ASB6: variants seen among roughly 807,000 people sequenced by gnomAD.
The protein encoded by ASB6 is ankyrin repeat and SOCS box containing 6.
In ASB6, 24 loss-of-function variants were observed where a neutral mutation model predicts 28.6. The ratio of observed to expected loss-of-function variants is 0.84; its 90% CI spans 0.61 to 1.18. ASB6 has a LOEUF of 1.18. ASB6 is among the 50% of genes most tolerant of loss of function. The probability of loss-of-function intolerance (pLI) is 0.00; values close to 1 mark genes in which losing one functional copy is unlikely to be tolerated. For missense variants in ASB6, 519 were observed against 559.8 expected (o/e 0.93, Z 0.74); for synonymous variants, 267 against 243.4 (o/e 1.10, Z -0.90).
chr9:129,640,736 G>C lies in ASB6; in HGVS notation c.114-14C>G. ...ACATAACTGGGCCTGGGACAGGAGA[G>C]AGGCTGAGGGTAGGCACAGCTGTGG... On this transcript the variant is annotated splice_polypyrimidine_tract_variant and intron_variant, in intron 1 of 5. Transcript: ENST00000277458. 1 of 1,613,734 alleles carries C rather than the reference G, an allele frequency of 6.2e-7. No individual in the cohort carries two copies. The highest frequency in any genetic ancestry group is 1.3e-5 in the African/African-American group (1 of 75,062).
rs1327194747 is a variant in ASB6 at position 129,635,777 on chromosome 9, C to T, written c.*2013G>A. The T allele has an allele frequency of 3.7e-6, 1 of 270,740 alleles. No homozygotes were observed. Among genetic ancestry groups the T allele is most frequent in the Non-Finnish European group, 7.0e-6 (1 of 142,018 alleles). 16.8% of individuals were successfully genotyped at this position (270,740 alleles called of 1,614,324 possible). A position where few individuals can be genotyped will look rare whatever the true frequency, so the allele number is the denominator to read the frequency against. On this transcript the variant is annotated 3_prime_UTR_variant, in exon 6 of 6. Coordinates refer to ENST00000277458, the MANE Select transcript of ASB6 (RefSeq NM_017873.4). Reference sequence around the variant, plus strand: ...AGGGTGGCCACATCAGTAACCGATTCCCTGGGCCTCCAGCCCGGCCTTCCA... The same window carrying T: ...AGGGTGGCCACATCAGTAACCGATTTCCTGGGCCTCCAGCCCGGCCTTCCA...
In ASB6 at chr9:129,639,436, A is replaced by G. The variant is rs61758721; in HGVS notation, c.368T>C (p.Val123Ala). The G allele has an allele frequency of 5.8e-5, 94 of 1,613,542 alleles. No individual in the cohort carries two copies. The highest frequency in any genetic ancestry group is 7.5e-5 in the Non-Finnish European group (88 of 1,179,746). The change falls in exon 3 of 6, where the codon GTG (valine) becomes GCG (alanine). Residue 123 changes from valine (V) to alanine (A), a missense_variant. Physicochemically the swap from Val to Ala is moderately conservative, Grantham distance 64 (BLOSUM62 0). Transcript: ENST00000277458. ...CCGATTAACGTCGGCCCCGTGATGC[A>G]CCAGCAGCTCCACCATGTCCGGCTG... ...RNQPDMVELL[V>A]HHGADVNRRD...
At chr9:129,640,308 A>G (rs774443322) in intron 2 of ASB6, among the ~76,000 whole-genome samples, 4 of 152,252 alleles carry the variant, frequency 2.6e-5, no homozygotes, top group African/African-American at 7.2e-5. Context: ...AATCAATCAC[A>G]TGGTAGAAGC....
rs2119011931 is a variant in ASB6 at position 129,639,201 on chromosome 9, C to A, written c.511+1G>T. On this transcript the variant is annotated splice_donor_variant, in intron 4 of 5. Coordinates refer to ENST00000277458, the MANE Select transcript of ASB6 (RefSeq NM_017873.4). LOFTEE classifies it high-confidence loss of function. ...CCTGCTTTCCTGCAGGAGGCACCCA[C>A]CATGCTTGTCAGCGGCATTGACATC... 1.2e-6 allele frequency: 2 copies of A among 1,603,066 alleles called. No individual in the cohort carries two copies. The highest frequency in any genetic ancestry group is 8.5e-7 in the Non-Finnish European group (1 of 1,174,178).
Position 129,637,973 on chromosome 9 carries a change from G to A in ASB6, c.1083C>T (p.Leu361=), listed in dbSNP as rs1278760293. 2 of 1,604,902 alleles carry A rather than the reference G, an allele frequency of 1.2e-6. No homozygotes were observed. The highest frequency in any genetic ancestry group is 2.2e-5 in the South Asian group (2 of 89,644). ...VGSLAEKIQA[L]HFSLRQLESY... ...TCTCCAGCTGCCTCAAGGAGAAGTG[G>A]AGGGCCTGGATCTTTTCCGCCAGGC... Residue 361 remains leucine (L), a synonymous_variant, in exon 6 of 6, where the codon CTC becomes CTT. Coordinates refer to ENST00000277458, the MANE Select transcript of ASB6 (RefSeq NM_017873.4).
In ASB6 at chr9:129,639,523, A is replaced by G; in HGVS notation, c.296-15T>C. Reference sequence around the variant, plus strand: ...GGTGACTGGGTCTGAAGGTGCAGACACAGCTCATGTGGGTCCTATCTGTCC... The same window carrying G: ...GGTGACTGGGTCTGAAGGTGCAGACGCAGCTCATGTGGGTCCTATCTGTCC... On this transcript the variant is annotated splice_polypyrimidine_tract_variant and intron_variant, in intron 2 of 5. Coordinates refer to ENST00000277458, the MANE Select transcript of ASB6 (RefSeq NM_017873.4). 1.2e-6 allele frequency: 2 copies of G among 1,605,610 alleles called. No individual in the cohort carries two copies. The highest frequency in any genetic ancestry group is 1.1e-5 in the South Asian group (1 of 90,628).
In ASB6 at chr9:129,642,039, C is replaced by A; in HGVS notation, c.-40G>T. ...CGCAGCAGGGCCGTCGCGCTTTCTG[C>A]CGAGGCCGAGATGCCCAGACGCCGA... On this transcript the variant is annotated 5_prime_UTR_variant, in exon 1 of 6. Coordinates refer to ENST00000277458, the MANE Select transcript of ASB6 (RefSeq NM_017873.4). This position sits in a 1 kb window ranked among gnomAD's most constrained non-coding sequence, Gnocchi z 4.3. 6.5e-7 allele frequency: 1 copy of A among 1,549,270 alleles called. No homozygotes were observed. The highest frequency in any genetic ancestry group is 8.7e-7 in the Non-Finnish European group (1 of 1,146,740).
Position 129,639,310 on chromosome 9 carries a change from T to G in ASB6, c.403A>C (p.Ile135Leu). The stretch of plus-strand genomic sequence containing the variant: ...AGGTCCAAGGGGCTACTCTCGTGGA[T>G]CTGAGCCAAGGAAGCACAGCCAGGT... ...HGADVNRRDR[I>L]HESSPLDLAS... is the part of the protein sequence containing the mutation. Residue 135 changes from isoleucine to leucine, a missense_variant and splice_region_variant, in exon 4 of 6, where the codon ATC (isoleucine) becomes CTC (leucine). By Grantham distance (5) the Ile-to-Leu change is conservative. Coordinates refer to ENST00000277458, the MANE Select transcript of ASB6 (RefSeq NM_017873.4). 6.2e-7 allele frequency: 1 copy of G among 1,610,676 alleles called. No homozygotes were observed. The highest frequency in any genetic ancestry group is 8.5e-7 in the Non-Finnish European group (1 of 1,177,516).
chr9:129,634,893 G>A lies in ASB6; in HGVS notation c.*2897C>T, dbSNP rs1831433616. On this transcript the variant is annotated 3_prime_UTR_variant, in exon 6 of 6. Transcript: ENST00000277458. ...CCTGCAATGCCAAACTCTTAGCCCAGGTTCACTCCTCCGATCCAAGCCTGG... is the reference window on the plus strand; with the variant it reads ...CCTGCAATGCCAAACTCTTAGCCCAAGTTCACTCCTCCGATCCAAGCCTGG... The A allele has an allele frequency of 2.7e-6, 1 of 365,506 alleles. No individual in the cohort carries two copies. The highest frequency in any genetic ancestry group is 5.1e-6 in the Non-Finnish European group (1 of 196,494). 22.6% of individuals were successfully genotyped at this position (365,506 alleles called of 1,614,324 possible). A position where few individuals can be genotyped will look rare whatever the true frequency, so the allele number is the denominator to read the frequency against.
intron 2 of ASB6, 147 bp from the exon 3 acceptor site, chr9:129,639,655 C>G: frequency 2.9e-6 from 2 of 695,996 alleles, no homozygotes; most frequent in South Asian, 3.9e-5. Flanking sequence ...TAGGACAGAG[C>G]TGTCCTCACC....
Position 129,638,038 on chromosome 9 carries a change from GT to G in ASB6, c.1017del (p.Lys339AsnfsTer27). 1 of 1,614,202 alleles carries G rather than the reference GT, an allele frequency of 6.2e-7. No homozygotes were observed. The highest frequency in any genetic ancestry group is 1.1e-5 in the South Asian group (1 of 91,092). The part of the protein sequence containing the change: ...VLDLMVTNSQ[K>X]LQLPENFDIH... ...ATATCGAAGTTTTCGGGCAGCTGGAGTTTCTGAGAGTTGGTCACCATGAGAT... is the reference window on the plus strand; with the variant it reads ...ATATCGAAGTTTTCGGGCAGCTGGAGTTCTGAGAGTTGGTCACCATGAGAT... On this transcript the variant is annotated frameshift_variant, in exon 6 of 6. Coordinates refer to ENST00000277458, the MANE Select transcript of ASB6 (RefSeq NM_017873.4). LOFTEE classifies it high-confidence loss of function.
At position 129,642,114 on chromosome 9, in the gene ASB6, C is replaced by T. The variant is rs1228563630; in HGVS notation, c.-115G>A. Reference sequence around the variant, plus strand: ...CCCCACCTGCTCCGCCAGTCCAGCCCCTGCGCCCGGCCGGGTCCGCTCCTC... The same window carrying T: ...CCCCACCTGCTCCGCCAGTCCAGCCTCTGCGCCCGGCCGGGTCCGCTCCTC... On this transcript the variant is annotated 5_prime_UTR_variant, in exon 1 of 6. Coordinates refer to ENST00000277458, the MANE Select transcript of ASB6 (RefSeq NM_017873.4). This position sits in a 1 kb window ranked among gnomAD's most constrained non-coding sequence, Gnocchi z 4.3. The T allele has an allele frequency of 5.9e-6, 8 of 1,350,458 alleles. No individual in the cohort carries two copies. In the African/African-American group the frequency reaches 6.2e-5, roughly 10 times the overall value. The allele number at this position is 1,350,458 out of a possible 1,614,324, so 83.7% of individuals were successfully genotyped here.
chr9:129,638,579 C>T lies in ASB6; in HGVS notation c.592G>A (p.Glu198Lys). The T allele has an allele frequency of 6.2e-7, 1 of 1,614,002 alleles. No homozygotes were observed. Among genetic ancestry groups the T allele is most frequent in the South Asian group, 1.1e-5 (1 of 91,040 alleles). The part of the protein sequence containing the change: ...HNTENIRLLL[E>K]GGADVKATTK... ...AGGAGCGCGCCAGCCTCACCTCCTT[C>T]CAGTAAGAGACGAATGTTCTCAGTA... Residue 198 changes from glutamate (E) to lysine (K), a missense_variant, in exon 5 of 6, where the codon GAA becomes AAA. By Grantham distance (56) the Glu-to-Lys change is moderately conservative. Coordinates refer to ENST00000277458, the MANE Select transcript of ASB6 (RefSeq NM_017873.4).
Position 129,642,094 on chromosome 9 carries a change from C to T in ASB6, c.-95G>A, listed in dbSNP as rs1831719607. The T allele has an allele frequency of 1.4e-6, 2 of 1,408,242 alleles. No homozygotes were observed. The highest frequency in any genetic ancestry group is 1.9e-6 in the Non-Finnish European group (2 of 1,080,552). 87.2% of individuals were successfully genotyped at this position (1,408,242 alleles called of 1,614,324 possible). On this transcript the variant is annotated 5_prime_UTR_variant, in exon 1 of 6. The change creates a new upstream start codon in the 5' untranslated region. Coordinates refer to ENST00000277458, the MANE Select transcript of ASB6 (RefSeq NM_017873.4). This position sits in a 1 kb window ranked among gnomAD's most constrained non-coding sequence, Gnocchi z 4.3. ...AACGCTCCGGCGGCCGCGGACCCCA[C>T]CTGCTCCGCCAGTCCAGCCCCTGCG...
At chr9:129,640,886 C>T (rs1037768611) in intron 1 of ASB6, 164 bp from the exon 2 acceptor site, 9 of 779,026 alleles carry the variant, frequency 1.2e-5, no homozygotes, top group African/African-American at 1.8e-5. Flanking sequence ...GAGAGGGCCA[C>T]GCTGCATCTC....
chr9:129,636,979 C>T lies in ASB6; in HGVS notation c.*811G>A, dbSNP rs1831572071. On this transcript the variant is annotated 3_prime_UTR_variant, in exon 6 of 6. Transcript: ENST00000277458. ...ATCCCCAGAGGTGTTTACACAATTC[C>T]CAATGACCAGTGCAGCTTGGAAGGG... 1 of 152,188 alleles carries T rather than the reference C, an allele frequency of 6.6e-6. No homozygotes were observed. The highest frequency in any genetic ancestry group is 1.5e-5 in the Non-Finnish European group (1 of 68,050). The allele number at this position is 152,188 out of a possible 1,614,324, so 9.4% of individuals were successfully genotyped here.
At position 129,634,952 on chromosome 9, in the gene ASB6, G is replaced by A; in HGVS notation, c.*2838C>T. 3.9e-6 allele frequency: 2 copies of A among 509,312 alleles called. No individual in the cohort carries two copies. Among genetic ancestry groups the A allele is most frequent in the East Asian group, 3.5e-5 (1 of 28,894 alleles). The allele number at this position is 509,312 out of a possible 1,614,324, so 31.5% of individuals were successfully genotyped here. On this transcript the variant is annotated 3_prime_UTR_variant, in exon 6 of 6. Transcript: ENST00000277458. ...GGGCATCATGGTGTGTAGGTATCAGGCAGGACTTGTAAGCCATCCCGTCAA... is the reference window on the plus strand; with the variant it reads ...GGGCATCATGGTGTGTAGGTATCAGACAGGACTTGTAAGCCATCCCGTCAA...
intron 2 of ASB6, among the ~76,000 whole-genome samples, chr9:129,640,046 AAC>A (rs764918732): frequency 6.6e-6 from 1 of 152,078 alleles, no homozygotes; most frequent in African/African-American, 2.4e-5. Context: ...TGGGCTGAAA[AAC>A]ACAGAGAAAG....
intron 5 of ASB6, 39 bp from the exon 6 acceptor site, chr9:129,638,496 C>T: frequency 1.2e-6 from 2 of 1,609,160 alleles, no homozygotes; most frequent in Non-Finnish European, 1.7e-6. Context: ...GGGAGAAGGC[C>T]TTCAACCCTG....
Sources: gnomAD v4.1 joint callset for allele counts (sites outside exome capture counted in the v4.1 genomes callset) on GRCh38, gnomAD v4.1.1 for gene constraint, Gnocchi (gnomAD v3.1) non-coding constraint, MANE v1.5 for transcripts, NCBI Gene and HGNC (gene_info 2026-07-23, HGNC 2026-07-21) for gene names.